Variants in LRP2 observed in about 807,000 individuals in gnomAD.
The protein encoded by LRP2 is LDL receptor related protein 2.
In LRP2, 172 loss-of-function variants were observed where a neutral mutation model predicts 531.0. The ratio of observed to expected loss-of-function variants is 0.32; its 90% CI spans 0.29 to 0.37. LRP2 has a LOEUF of 0.37. LRP2 is among the 10% of genes least tolerant of loss of function. The probability of loss-of-function intolerance (pLI) is 1.00; values close to 1 mark genes in which losing one functional copy is unlikely to be tolerated. For synonymous variants in LRP2, 1,992 were observed against 2,027.6 expected (o/e 0.98, Z 0.47); for missense variants, 5,167 against 5,868.3 (o/e 0.88, Z 3.90).
intron 50 of LRP2, 200 bp from the exon 51 acceptor site, chr2:169,182,519 A>T: frequency 6.8e-7 from 1 of 1,463,048 alleles, no homozygotes; most frequent in Non-Finnish European, 9.0e-7. Context: ...GACTGTGTGC[A>T]ATAATTCCCA....
intron 48 of LRP2, among the ~76,000 whole-genome samples, chr2:169,189,826 C>T (rs572326745): frequency 2.6e-5 from 4 of 151,542 alleles, no homozygotes; most frequent in African/African-American, 9.7e-5. Context: ...TCTACTATAG[C>T]CCTTTTCAAG....
Position 169,129,090 on chromosome 2 carries a change from T to G in LRP2, c.13729-6A>C, listed in dbSNP as rs1392677761. ...AAGAGATTCCATTTTGTCACCTAAA[T>G]GAAAAGGGGAAAACAAAAACCTCTC... On this transcript the variant is annotated splice_polypyrimidine_tract_variant and splice_region_variant and intron_variant, in intron 77 of 78. Transcript: ENST00000649046. 6.3e-7 allele frequency: 1 copy of G among 1,592,336 alleles called. No homozygotes were observed. Among genetic ancestry groups the G allele is most frequent in the East Asian group, 2.2e-5 (1 of 44,772 alleles).
chr2:169,256,855 C>T (rs557179534), intron 18 of LRP2, among the ~76,000 whole-genome samples: 1 of 152,236 alleles, frequency 6.6e-6, no homozygotes, highest in African/African-American at 2.4e-5. Flanking sequence ...TCTTGAGTTT[C>T]CACTAAATCT....
intron 63 of LRP2, among the ~76,000 whole-genome samples, chr2:169,160,688 A>AAAAAAAAAACAAAAAAAAAACAAAC (rs1553487443): frequency 9.4e-6 from 1 of 106,888 alleles, no homozygotes; most frequent in African/African-American, 3.7e-5. Context: ...TCCTTAAAAA[A>AAAAAAAAAACAAAAAAAAAACAAAC]AAAAAAACCT....
At chr2:169,316,771 G>C (rs1004267983) in intron 3 of LRP2, among the ~76,000 whole-genome samples, 6 of 152,120 alleles carry the variant, frequency 3.9e-5, no homozygotes, top group Admixed American at 3.9e-4. Context: ...AGAGTGTCCA[G>C]AATGAGAAAA....
At chr2:169,235,247 T>TAA (rs1243878384) in intron 29 of LRP2, among the ~76,000 whole-genome samples, 1 of 151,010 alleles carries the variant, frequency 6.6e-6, no homozygotes, top group African/African-American at 2.4e-5. Context: ...AAAAAAATTT[T>TAA]TTTTTTTTTT....
intron 12 of LRP2, 43 bp downstream of exon 12, chr2:169,279,329 A>C: frequency 6.9e-7 from 1 of 1,458,796 alleles, no homozygotes; most frequent in Middle Eastern, 1.7e-4. Flanking sequence ...GGAGAGAGAA[A>C]ATTCTAAAAA....
intron 31 of LRP2, among the ~76,000 whole-genome samples, chr2:169,227,550 T>C (rs774622780): frequency 1.3e-5 from 2 of 152,208 alleles, no homozygotes; most frequent in Non-Finnish European, 2.9e-5. Flanking sequence ...GATATATGTA[T>C]AAGATATATC....
intron 1 of LRP2, among the ~76,000 whole-genome samples, chr2:169,327,485 TG>T (rs1191967247): frequency 1.8e-5 from 1 of 57,078 alleles, no homozygotes; most frequent in African/African-American, 7.3e-5. Flanking sequence ...GGGAGGGAGG[TG>T]GGGGGGTCAG....
chr2:169,328,635 T>C (rs1303948090), intron 1 of LRP2, among the ~76,000 whole-genome samples: 2 of 152,118 alleles, frequency 1.3e-5, no homozygotes, highest in Admixed American at 1.3e-4. Context: ...ATACAATATA[T>C]AAAGCTTTAT....
chr2:169,256,078 T>A, intron 19 of LRP2, 28 bp downstream of exon 19: 1 of 1,610,690 alleles, frequency 6.2e-7, no homozygotes, highest in Admixed American at 1.7e-5. Context: ...ATAAAAACAA[T>A]ACATACTTTT....
At chr2:169,171,561 A>G (rs1331230664) in intron 58 of LRP2, among the ~76,000 whole-genome samples, 1 of 152,188 alleles carries the variant, frequency 6.6e-6, no homozygotes, top group Non-Finnish European at 1.5e-5. Context: ...GTAATAATGC[A>G]AACACAAGTT....
chr2:169,226,558 T>G lies in LRP2; in HGVS notation c.5258A>C (p.Gln1753Pro). 2 of 1,612,784 alleles carry G rather than the reference T, an allele frequency of 1.2e-6. No individual in the cohort carries two copies. The highest frequency in any genetic ancestry group is 2.2e-5 in the East Asian group (1 of 44,864). Reference sequence around the variant, plus strand: ...AAGGGAGATTCCAAAAATTATATGTTGCCTTACAGTTATTAAGAAAGGTTG... The same window carrying G: ...AAGGGAGATTCCAAAAATTATATGTGGCCTTACAGTTATTAAGAAAGGTTG... Reference protein sequence around the residue: ...DDQPFLITVRQHIIFGISLNP... With the variant: ...DDQPFLITVRPHIIFGISLNP... The change falls in exon 32 of 79, where the codon CAA (glutamine) becomes CCA (proline). Residue 1753 changes from glutamine to proline, a missense_variant. Gln to Pro is a moderately conservative substitution (Grantham distance 76). Coordinates refer to ENST00000649046, the MANE Select transcript of LRP2 (RefSeq NM_004525.3).
intron 1 of LRP2, among the ~76,000 whole-genome samples, chr2:169,349,986 G>A (rs1050259291): frequency 3.9e-5 from 6 of 152,206 alleles, no homozygotes; most frequent in Non-Finnish European, 7.3e-5. Context: ...GCTACAGCAA[G>A]GAAATCAGTA....
At chr2:169,346,914 TAGA>T (rs1685711161) in intron 1 of LRP2, among the ~76,000 whole-genome samples, 1 of 152,200 alleles carries the variant, frequency 6.6e-6, no homozygotes, top group Non-Finnish European at 1.5e-5. Context: ...ACAGCCATAC[TAGA>T]AGCTTTTAAG....
Position 169,178,992 on chromosome 2 carries a change from T to G in LRP2, c.10170-966A>C, listed in dbSNP as rs150248890. On this transcript the variant is annotated intron_variant, in intron 52 of 78. Coordinates refer to ENST00000649046, the MANE Select transcript of LRP2 (RefSeq NM_004525.3). ...GAAATTAGTCACCATCTGATTTATT[T>G]ATTTATTTATTTATTTATTTATTTA... Among the ~76,000 whole-genome samples the G allele has an allele frequency of 7.0e-3, 1,037 of 148,472 alleles. 9 individuals are homozygous for G. Among genetic ancestry groups the G allele is most frequent in the African/African-American group, 0.025 (991 of 39,236 alleles).
chr2:169,197,872 G>T lies in LRP2; in HGVS notation c.8579-842C>A, dbSNP rs559497535. ...CCCTAATTTGGTGACAAATAATTAT[G>T]ATGCCCTTTGATTTCCTTGGGAGGG... is the stretch of plus-strand genomic sequence containing the variant. On this transcript the variant is annotated intron_variant, in intron 45 of 78. Coordinates refer to ENST00000649046, the MANE Select transcript of LRP2 (RefSeq NM_004525.3). 2.0e-5 allele frequency among the ~76,000 whole-genome samples: 3 copies of T among 152,262 alleles called. No homozygotes were observed. The East Asian group carries it at 5.8e-4, about 29-fold the overall frequency.
intron 76 of LRP2, among the ~76,000 whole-genome samples, chr2:169,135,306 G>A (rs1685459967): frequency 6.6e-6 from 1 of 152,096 alleles, no homozygotes. Flanking sequence ...CCCAGGACTG[G>A]CAAATTGACT....
chr2:169,176,293 C>A, intron 54 of LRP2, 118 bp downstream of exon 54: 1 of 1,137,512 alleles, frequency 8.8e-7, no homozygotes, highest in Non-Finnish European at 1.3e-6. Flanking sequence ...TCCACATGAA[C>A]CAAGTTAATT....
Sources: gnomAD v4.1 joint callset for allele counts (sites outside exome capture counted in the v4.1 genomes callset) on GRCh38, gnomAD v4.1.1 for gene constraint, MANE v1.5 for transcripts, NCBI Gene and HGNC (gene_info 2026-07-23, HGNC 2026-07-21) for gene names.